The following LMBR1 variants were observed in gnomAD, a reference collection of about 807,000 sequenced individuals.
LMBR1 encodes the protein limb region 1 protein homolog.
LMBR1 carries 52 observed loss-of-function variants against 73.9 expected under a neutral mutation model. That is an observed-to-expected ratio of 0.70 (90% CI 0.56 to 0.89). The LOEUF (loss-of-function observed/expected upper bound fraction) is 0.89. Among genes scored for constraint, LMBR1 ranks in the 40% least tolerant of loss-of-function variants. The pLI is 0.00. For missense variants in LMBR1, 539 were observed against 579.8 expected, an observed-to-expected ratio of 0.93 and a Z score of 0.72; for synonymous variants, 215 against 209.4, an observed-to-expected ratio of 1.03 and a Z score of -0.23.
At chr7:156,823,576 T>C (rs1482275527) in intron 4 of LMBR1, 3 of 152,136 alleles carry the variant, frequency 2.0e-5, no homozygotes, top group African/African-American at 2.4e-5. Context: ...CTGTTTTCTA[T>C]TGCAAATCTG....
intron 4 of LMBR1, chr7:156,822,597 C>A (rs1025706538): frequency 2.6e-5 from 4 of 151,766 alleles, no homozygotes; most frequent in Admixed American, 2.6e-4. Context: ...ATCTTCTAAA[C>A]ACAAAAACAA....
At chr7:156,890,930 C>T (rs4295531) in intron 1 of LMBR1, among the ~76,000 whole-genome samples, 54,430 of 151,740 alleles carry the variant, frequency 0.36, 10,013 homozygotes, top group East Asian at 0.57. Flanking sequence ...GTGGCTCATG[C>T]CTGTAATCCC....
downstream of LMBR1, chr7:156,675,935 G>T (rs1017349362): frequency 9.5e-6 from 14 of 1,469,362 alleles, no homozygotes; most frequent in Admixed American, 5.2e-5. Context: ...AGTGGCATGT[G>T]GGGGGAGGTC....
intron 4 of LMBR1, among the ~76,000 whole-genome samples, chr7:156,814,988 C>T (rs1424410898): frequency 6.6e-6 from 1 of 151,866 alleles, no homozygotes; most frequent in African/African-American, 2.4e-5. Context: ...AAAACCCCAT[C>T]TCTATTAAAA....
intron 1 of LMBR1, among the ~76,000 whole-genome samples, chr7:156,878,861 A>C (rs560317807): frequency 4.8e-4 from 73 of 152,358 alleles, no homozygotes; most frequent in African/African-American, 1.7e-3. Context: ...ATAGGCACAC[A>C]GACCAACGGA....
Position 156,753,892 on chromosome 7 carries a change from C to T in LMBR1, c.757+2501G>A, listed in dbSNP as rs111892090. 3.3e-5 allele frequency among the ~76,000 whole-genome samples: 5 copies of T among 152,278 alleles called. No homozygotes were observed. The South Asian group carries it at 1.0e-3, about 32-fold the overall frequency. ...GGGGCTCCCTCCTGTCTCAGAAACA[C>T]AGAACTCCTTCCTCTCTATTCCTTT... On this transcript the variant is annotated intron_variant, in intron 9 of 16. Coordinates refer to ENST00000353442, the MANE Select transcript of LMBR1 (RefSeq NM_022458.4).
intron 5 of LMBR1, among the ~76,000 whole-genome samples, chr7:156,785,411 C>T (rs531811845): frequency 1.3e-5 from 2 of 152,230 alleles, no homozygotes; most frequent in South Asian, 2.1e-4. Context: ...GTAACCAAAA[C>T]CATCAGTGTA....
At chr7:156,671,493 T>G (rs1802504504) in intron 4 of LMBR1, among the ~76,000 whole-genome samples, 1 of 152,238 alleles carries the variant, frequency 6.6e-6, no homozygotes, top group Non-Finnish European at 1.5e-5. Flanking sequence ...AGCACATATT[T>G]TCTTTCAAAG....
rs754560054 is a variant in LMBR1, at chr7:156,762,216, C to T, written c.620-18G>A. The T allele has an allele frequency of 3.2e-6, 5 of 1,576,554 alleles. No individual in the cohort carries two copies. Among genetic ancestry groups the T allele is most frequent in the African/African-American group, 1.3e-5 (1 of 74,170 alleles). ...TGTACACACTGCAGAAATAAGATCACCAAAAGACAGAAAGCGACATTATAG... is the reference window on the plus strand; with the variant it reads ...TGTACACACTGCAGAAATAAGATCATCAAAAGACAGAAAGCGACATTATAG... On this transcript the variant is annotated intron_variant, in intron 7 of 16. Transcript: ENST00000353442.
chr7:156,764,087 T>C (rs1035025115), intron 5 of LMBR1, among the ~76,000 whole-genome samples: 1 of 152,224 alleles, frequency 6.6e-6, no homozygotes, highest in Non-Finnish European at 1.5e-5. Flanking sequence ...CAAAGCAGAT[T>C]AATGAATTTC....
At chr7:156,740,171 T>C (rs1184214691) in intron 9 of LMBR1, among the ~76,000 whole-genome samples, 1 of 152,024 alleles carries the variant, frequency 6.6e-6, no homozygotes, top group Non-Finnish European at 1.5e-5. Flanking sequence ...ACTGGTGAGC[T>C]TGAAGACAGG....
chr7:156,701,129 A>G (rs1809588225), intron 15 of LMBR1, among the ~76,000 whole-genome samples: 1 of 152,200 alleles, frequency 6.6e-6, no homozygotes. Flanking sequence ...ATTCAAGATG[A>G]GATATGGGTG....
At chr7:156,876,845 C>T (rs773560689) in intron 1 of LMBR1, among the ~76,000 whole-genome samples, 2 of 151,940 alleles carry the variant, frequency 1.3e-5, no homozygotes, top group Non-Finnish European at 2.9e-5. Context: ...AGTTCATAGC[C>T]CTAAATGCTT....
At chr7:156,692,057 G>A (rs1400570709) in intron 15 of LMBR1, among the ~76,000 whole-genome samples, 1 of 152,170 alleles carries the variant, frequency 6.6e-6, no homozygotes. Flanking sequence ...AATGAAAGAT[G>A]ATGCTGTTGA....
At chr7:156,707,230 T>C (rs1328894417) in intron 15 of LMBR1, among the ~76,000 whole-genome samples, 1 of 151,640 alleles carries the variant, frequency 6.6e-6, no homozygotes, top group Non-Finnish European at 1.5e-5. Flanking sequence ...AGTAGCAAGA[T>C]TGAATCCATT....
intron 1 of LMBR1, among the ~76,000 whole-genome samples, chr7:156,884,336 G>A (rs1453019517): frequency 6.6e-6 from 1 of 151,752 alleles, no homozygotes; most frequent in Non-Finnish European, 1.5e-5. Flanking sequence ...TATCAGACAA[G>A]ACCATGATGG....
intron 4 of LMBR1, among the ~76,000 whole-genome samples, chr7:156,798,756 G>A (rs1338424961): frequency 6.6e-6 from 1 of 152,142 alleles, no homozygotes; most frequent in Middle Eastern, 3.4e-3. Flanking sequence ...GCTTTATTTA[G>A]GCGTGGTGAA....
chr7:156,678,821 T>A lies in LMBR1; in HGVS notation c.*5257A>T, dbSNP rs1446983729. The A allele has an allele frequency of 1.3e-5, 2 of 152,232 alleles. No individual in the cohort carries two copies. Among genetic ancestry groups the A allele is most frequent in the African/African-American group, 4.8e-5 (2 of 41,458 alleles). 9.4% of individuals were successfully genotyped at this position (152,232 alleles called of 1,614,324 possible). On this transcript the variant is annotated 3_prime_UTR_variant, in exon 17 of 17. Transcript: ENST00000353442. ...TTGTGCCTTCTCACACATCCCTTTTTGCCTTTAAATCCACTTAATTAGGAG... is the reference window on the plus strand; with the variant it reads ...TTGTGCCTTCTCACACATCCCTTTTAGCCTTTAAATCCACTTAATTAGGAG...
chr7:156,805,165 C>G (rs1021710206), intron 4 of LMBR1, among the ~76,000 whole-genome samples: 1 of 151,210 alleles, frequency 6.6e-6, no homozygotes, highest in African/African-American at 2.4e-5. Context: ...TAATCCTGGA[C>G]AGTCTATTCT....
Sources: allele counts gnomAD v4.1 joint callset (sites outside exome capture counted in the v4.1 genomes callset), GRCh38; gene constraint gnomAD v4.1.1; transcripts MANE v1.5; gene names NCBI Gene and HGNC (gene_info 2026-07-23, HGNC 2026-07-21).